MRTFB: variants seen among roughly 807,000 people sequenced by gnomAD.
MRTFB encodes the protein myocardin related transcription factor B, also known as myocardin-related transcription factor B.
In MRTFB, 29 loss-of-function variants were observed where a neutral mutation model predicts 104.2. The ratio of observed to expected loss-of-function variants is 0.28; its 90% confidence interval spans 0.21 to 0.38. MRTFB has a LOEUF of 0.38. Ranked by LOEUF, MRTFB falls within the 10% of genes least tolerant of loss-of-function variation. The probability of loss-of-function intolerance (pLI) is 1.00; values close to 1 mark genes in which losing one functional copy is unlikely to be tolerated. For missense variants in MRTFB, 1,270 were observed against 1,341.6 expected, an observed-to-expected ratio of 0.95 and a Z score of 0.83; for synonymous variants, 535 against 519.5, an observed-to-expected ratio of 1.03 and a Z score of -0.41.
the MRTFB span, among the ~76,000 whole-genome samples, chr16:14,017,705 ATATATATTTT>A: frequency 3.5e-5 from 1 of 28,262 alleles, no homozygotes; most frequent in East Asian, 1.1e-3. Flanking sequence ...ATATATATAT[ATATATATTTT>A]TTTTTTTTTT....
chr16:14,196,829 C>T (rs2040451958), intron 3 of MRTFB, among the ~76,000 whole-genome samples: 1 of 152,150 alleles, frequency 6.6e-6, no homozygotes, highest in African/African-American at 2.4e-5. Flanking sequence ...TTGCATTCCA[C>T]TTTTTAAAAT....
At chr16:14,102,431 T>C (rs899893559) in intron 2 of MRTFB, among the ~76,000 whole-genome samples, 19 of 152,332 alleles carry the variant, frequency 1.2e-4, no homozygotes, top group African/African-American at 4.6e-4. Flanking sequence ...ACAAAATGTG[T>C]TGAGTTATCA....
chr16:14,127,630 G>A (rs1240304334), intron 2 of MRTFB, among the ~76,000 whole-genome samples: 4 of 144,434 alleles, frequency 2.8e-5, no homozygotes, highest in African/African-American at 7.6e-5. Flanking sequence ...GGGACAGAGC[G>A]AGACTCTGTC....
intron 2 of MRTFB, among the ~76,000 whole-genome samples, chr16:14,127,929 A>ATATATATATT (rs1393344981): frequency 3.4e-4 from 15 of 44,620 alleles, no homozygotes; most frequent in Non-Finnish European, 4.3e-4. Context: ...ATATATATAT[A>ATATATATATT]TTTTTTTTTT....
chr16:14,135,792 T>A (rs756669026), intron 2 of MRTFB, among the ~76,000 whole-genome samples: 61 of 152,332 alleles, frequency 4.0e-4, no homozygotes, highest in South Asian at 8.3e-4. Flanking sequence ...GCACCAGCCT[T>A]ATCTTCTACC....
At chr16:14,256,345 CAG>C (rs2043493865) in intron 15 of MRTFB, among the ~76,000 whole-genome samples, 1 of 152,068 alleles carries the variant, frequency 6.6e-6, no homozygotes, top group Non-Finnish European at 1.5e-5. Flanking sequence ...ATATAAAAGC[CAG>C]ACTCAACTGT....
At chr16:14,186,101 A>G (rs2039944110) in intron 3 of MRTFB, among the ~76,000 whole-genome samples, 1 of 152,250 alleles carries the variant, frequency 6.6e-6, no homozygotes, top group South Asian at 2.1e-4. Context: ...CTCCCAGCCA[A>G]CTAGTGGCAC....
Position 14,251,961 on chromosome 16 carries a change from GTTC to G in MRTFB, c.2507_2509del (p.Leu836del), listed in dbSNP as rs779735186. 3 of 1,614,188 alleles carry G rather than the reference GTTC, an allele frequency of 1.9e-6. No individual in the cohort carries two copies. The highest frequency in any genetic ancestry group is 1.1e-5 in the South Asian group (1 of 91,078). On this transcript the variant is annotated inframe_deletion, in exon 14 of 17. Transcript: ENST00000571589. Reference sequence around the variant, plus strand: ...CTTTATCAATAAGGCCTCCAACAGTGTTCTTCAATCCAGAAATGCTCCGCTTCC... The same window carrying G: ...CTTTATCAATAAGGCCTCCAACAGTGTTCAATCCAGAAATGCTCCGCTTCC...
chr16:14,048,472 G>A, the MRTFB span, among the ~76,000 whole-genome samples: 1 of 152,182 alleles, frequency 6.6e-6, no homozygotes, highest in African/African-American at 2.4e-5. Context: ...AGCAAGTGTG[G>A]TGAGGCCTTG....
chr16:13,996,447 G>A, the MRTFB span, among the ~76,000 whole-genome samples: 1 of 152,290 alleles, frequency 6.6e-6, no homozygotes, highest in Admixed American at 6.5e-5. Context: ...GTGGTGGTGA[G>A]GTGATACCTG....
intron 8 of MRTFB, among the ~76,000 whole-genome samples, chr16:14,220,998 C>T (rs1267323863): frequency 6.6e-6 from 1 of 152,100 alleles, no homozygotes; most frequent in Admixed American, 6.5e-5. Context: ...AGGAATCTGA[C>T]AAAGATTCTT....
chr16:14,037,424 T>A, the MRTFB span, among the ~76,000 whole-genome samples: 1 of 152,166 alleles, frequency 6.6e-6, no homozygotes, highest in African/African-American at 2.4e-5. Flanking sequence ...GACACCCAGA[T>A]GGAGCTGTCC....
chr16:14,121,006 G>A (rs2142287907), intron 2 of MRTFB, among the ~76,000 whole-genome samples: 1 of 152,208 alleles, frequency 6.6e-6, no homozygotes, highest in East Asian at 1.9e-4. Context: ...TCATATATAT[G>A]TATAGTATAT....
At chr16:14,244,982 C>T (rs1421500816) in intron 10 of MRTFB, among the ~76,000 whole-genome samples, 2 of 152,166 alleles carry the variant, frequency 1.3e-5, no homozygotes, top group African/African-American at 4.8e-5. Flanking sequence ...TCATAATTCA[C>T]ATGTAGATTT....
At chr16:14,195,091 C>T (rs549171112) in intron 3 of MRTFB, among the ~76,000 whole-genome samples, 1 of 152,282 alleles carries the variant, frequency 6.6e-6, no homozygotes, top group African/African-American at 2.4e-5. Context: ...TGATCATCTG[C>T]TAGAGTTGCC....
At position 14,237,487 on chromosome 16, in the gene MRTFB, G is replaced by C. The variant is rs567621688; in HGVS notation, c.832-2750G>C. Among the ~76,000 whole-genome samples, 5 of 152,370 alleles carry C rather than the reference G, an allele frequency of 3.3e-5. No individual in the cohort carries two copies. In the East Asian group the frequency reaches 9.6e-4, roughly 29 times the overall value. The stretch of plus-strand genomic sequence containing the variant: ...GACAAGAACAGTTTCTGAAAGCTTA[G>C]TTGGAGTGGGCACAAGAGAGCCTGA... On this transcript the variant is annotated intron_variant, in intron 9 of 16. Transcript: ENST00000571589.
At chr16:14,100,011 T>C (rs998041215) in intron 2 of MRTFB, among the ~76,000 whole-genome samples, 1 of 152,222 alleles carries the variant, frequency 6.6e-6, no homozygotes, top group Non-Finnish European at 1.5e-5. Flanking sequence ...TTGTAGAGTT[T>C]ATTGGATTTT....
the MRTFB span, among the ~76,000 whole-genome samples, chr16:14,040,315 G>A: frequency 7.9e-4 from 120 of 152,224 alleles, no homozygotes; most frequent in Middle Eastern, 6.8e-3. Flanking sequence ...ACATGTCCTA[G>A]GATAAATAAT....
At chr16:14,046,288 C>T in the MRTFB span, among the ~76,000 whole-genome samples, 33 of 152,140 alleles carry the variant, frequency 2.2e-4, no homozygotes, top group Non-Finnish European at 2.8e-4. Context: ...ATTGTGCCAC[C>T]GCACTCCAGC....
Sources: gnomAD v4.1 joint callset for allele counts (sites outside exome capture counted in the v4.1 genomes callset) on GRCh38, gnomAD v4.1.1 for gene constraint, MANE v1.5 for transcripts, NCBI Gene and HGNC (gene_info 2026-07-23, HGNC 2026-07-21) for gene names.